The following PIK3R3 variants were observed in gnomAD, a reference collection of about 807,000 sequenced individuals.
PIK3R3 encodes the protein phosphatidylinositol 3-kinase regulatory subunit gamma.
Under a neutral mutation model 62.9 loss-of-function variants are expected in PIK3R3, and 64 were observed. That is an observed-to-expected ratio of 1.02 (90% CI 0.83 to 1.25). PIK3R3 has a LOEUF of 1.25. PIK3R3 is among the 50% of genes most tolerant of loss of function. The pLI is 0.00. For missense variants in PIK3R3, 614 were observed against 561.6 expected (o/e 1.09, Z -0.94); for synonymous variants, 165 against 189.0 (o/e 0.87, Z 1.04).
chr1:46,074,311 A>AC (rs1649855833), intron 3 of PIK3R3, among the ~76,000 whole-genome samples: 1 of 146,508 alleles, frequency 6.8e-6, no homozygotes, highest in Non-Finnish European at 1.5e-5. Context: ...AAAAAAAAAA[A>AC]AAAAAACCAA....
Position 46,061,994 on chromosome 1 carries a change from T to TTG in PIK3R3, c.697_698dup (p.Gln233HisfsTer26). ...CAATATATTCTTTGCTATGTTGTTCTTGTGTGTGACACTGCTCTTCAAATA... is the reference window on the plus strand; with the variant it reads ...CAATATATTCTTTGCTATGTTGTTCTTGTGTGTGTGACACTGCTCTTCAAATA... On this transcript the variant is annotated frameshift_variant, in exon 6 of 10. Coordinates refer to ENST00000262741, the MANE Select transcript of PIK3R3 (RefSeq NM_003629.4). LOFTEE classifies it high-confidence loss of function. 1 of 1,612,744 alleles carries TTG rather than the reference T, an allele frequency of 6.2e-7. No individual in the cohort carries two copies. The highest frequency in any genetic ancestry group is 8.5e-7 in the Non-Finnish European group (1 of 1,178,780).
chr1:46,057,765 T>A (rs1374860628), intron 6 of PIK3R3, among the ~76,000 whole-genome samples: 1 of 152,198 alleles, frequency 6.6e-6, no homozygotes, highest in East Asian at 1.9e-4. Flanking sequence ...AGAGGTGACG[T>A]GGGTGCTCTT....
intron 8 of PIK3R3, 72 bp from the exon 9 acceptor site, chr1:46,046,160 C>A: frequency 1.1e-6 from 1 of 914,338 alleles, no homozygotes; most frequent in Non-Finnish European, 1.7e-6. Flanking sequence ...AAATAAAACA[C>A]TCTTCTAAAT....
chr1:46,113,949 AG>A (rs1230118300), intron 1 of PIK3R3, among the ~76,000 whole-genome samples: 1 of 152,226 alleles, frequency 6.6e-6, no homozygotes, highest in Admixed American at 6.5e-5. Context: ...CTTAGATGAC[AG>A]GAGAAAGAGA....
chr1:46,157,433 C>T, the PIK3R3 span, among the ~76,000 whole-genome samples: 1 of 152,138 alleles, frequency 6.6e-6, no homozygotes. Context: ...TGTGCCTGAC[C>T]ATAGATTGGC....
rs183824939 is a variant in PIK3R3, at chr1:46,067,277, T to A, written c.315-186A>T. Among the ~76,000 whole-genome samples, 34 of 147,330 alleles carry A rather than the reference T, an allele frequency of 2.3e-4. 1 individual carries two copies. Among genetic ancestry groups the A allele is most frequent in the South Asian group, 2.1e-3 (10 of 4,720 alleles). ...ACATATATATATATATATATATATA[T>A]AATTCATTTTGCATTGTTTTGTCCA... On this transcript the variant is annotated intron_variant, in intron 3 of 9. Transcript: ENST00000262741.
chr1:46,154,684 T>A, the PIK3R3 span, among the ~76,000 whole-genome samples: 4 of 152,132 alleles, frequency 2.6e-5, no homozygotes, highest in African/African-American at 9.7e-5. Context: ...TCTCACCTCA[T>A]CTCCTTTTAA....
chr1:46,162,782 C>G, the PIK3R3 span, among the ~76,000 whole-genome samples: 2 of 151,992 alleles, frequency 1.3e-5, no homozygotes, highest in East Asian at 3.9e-4. Context: ...CCACCACACC[C>G]GGCTAATATT....
chr1:46,155,235 C>T, the PIK3R3 span, among the ~76,000 whole-genome samples: 4 of 151,958 alleles, frequency 2.6e-5, no homozygotes, highest in African/African-American at 9.7e-5. Context: ...GTAGGAGGAT[C>T]ACTTGAGCCC....
At chr1:46,071,759 A>AGCGC (rs1553148112) in intron 3 of PIK3R3, among the ~76,000 whole-genome samples, 47 of 100,104 alleles carry the variant, frequency 4.7e-4, no homozygotes, top group East Asian at 2.2e-3. Flanking sequence ...AGAGAGAGAG[A>AGCGC]GCGCGCGCCT....
intron 1 of PIK3R3, among the ~76,000 whole-genome samples, chr1:46,107,590 G>A (rs930522228): frequency 2.0e-5 from 3 of 151,986 alleles, no homozygotes; most frequent in African/African-American, 7.2e-5. Context: ...CAGAAACACA[G>A]CTTTCTATAT....
At chr1:46,073,262 T>C (rs1649713794) in intron 3 of PIK3R3, among the ~76,000 whole-genome samples, 1 of 152,204 alleles carries the variant, frequency 6.6e-6, no homozygotes, top group African/African-American at 2.4e-5. Flanking sequence ...GTCCCTTCAC[T>C]TGGCCTCTGC....
chr1:46,058,490 C>G (rs1648158317), intron 6 of PIK3R3, among the ~76,000 whole-genome samples: 1 of 152,220 alleles, frequency 6.6e-6, no homozygotes, highest in Non-Finnish European at 1.5e-5. Context: ...GTGAAAGCAG[C>G]CAGGAGGGAG....
chr1:46,168,338 C>T, the PIK3R3 span, among the ~76,000 whole-genome samples: 2 of 152,118 alleles, frequency 1.3e-5, no homozygotes, highest in Non-Finnish European at 2.9e-5. Context: ...AGGGTGCAAG[C>T]TCTCAAGAAC....
chr1:46,164,618 A>C, the PIK3R3 span, among the ~76,000 whole-genome samples: 2 of 152,128 alleles, frequency 1.3e-5, no homozygotes, highest in Non-Finnish European at 2.9e-5. Flanking sequence ...AACAAGAGCG[A>C]AACTCCGTCT....
chr1:46,168,603 C>T, the PIK3R3 span, among the ~76,000 whole-genome samples: 1 of 152,236 alleles, frequency 6.6e-6, no homozygotes, highest in Non-Finnish European at 1.5e-5. Context: ...CAGGGCAGAG[C>T]CGGGCTGGAA....
At chr1:46,145,799 G>A in the PIK3R3 span, among the ~76,000 whole-genome samples, 1 of 152,164 alleles carries the variant, frequency 6.6e-6, no homozygotes, top group African/African-American at 2.4e-5. Context: ...GGTTCTAAAG[G>A]TGCTGATACT....
intron 5 of PIK3R3, 149 bp downstream of exon 5, chr1:46,065,905 G>T (rs146867451): frequency 2.9e-6 from 2 of 682,480 alleles, no homozygotes; most frequent in African/African-American, 3.6e-5. Context: ...ATTAAGAAGG[G>T]AGGGGAATTT....
chr1:46,091,231 C>T (rs562537542), intron 1 of PIK3R3, among the ~76,000 whole-genome samples: 2 of 151,636 alleles, frequency 1.3e-5, no homozygotes, highest in African/African-American at 4.8e-5. Flanking sequence ...ACCTCCACCT[C>T]CCGGATTCAA....
Sources: allele counts gnomAD v4.1 joint callset (sites outside exome capture counted in the v4.1 genomes callset), GRCh38; gene constraint gnomAD v4.1.1; transcripts MANE v1.5; gene names NCBI Gene and HGNC (gene_info 2026-07-23, HGNC 2026-07-21).